Variants in TNFRSF21 observed in about 807,000 individuals in gnomAD.
TNFRSF21 encodes tumor necrosis factor receptor superfamily member 21.
Under a neutral mutation model 45.6 loss-of-function variants are expected in TNFRSF21, and 19 were observed. The ratio of observed to expected loss-of-function variants is 0.42; its 90% CI spans 0.29 to 0.61. The LOEUF (loss-of-function observed/expected upper bound fraction) is 0.61. Ranked by LOEUF, TNFRSF21 falls within the 20% of genes least tolerant of loss-of-function variation. The probability of loss-of-function intolerance (pLI) is 0.23; values close to 1 mark genes in which losing one functional copy is unlikely to be tolerated. For missense variants in TNFRSF21, 737 were observed against 851.5 expected (o/e 0.87, Z 1.67); for synonymous variants, 314 against 335.5 (o/e 0.94, Z 0.70).
At chr6:47,279,964 T>TA (rs1247785464) in intron 3 of TNFRSF21, among the ~76,000 whole-genome samples, 2 of 152,226 alleles carry the variant, frequency 1.3e-5, no homozygotes, top group African/African-American at 4.8e-5. Flanking sequence ...GGCCTCCTCT[T>TA]ATGTTTCCAA....
chr6:47,267,995 G>A (rs1468047409), intron 3 of TNFRSF21, among the ~76,000 whole-genome samples: 4 of 152,190 alleles, frequency 2.6e-5, no homozygotes, highest in African/African-American at 7.2e-5. Flanking sequence ...GAAATATGTT[G>A]CAACAGTATA....
In TNFRSF21 at chr6:47,309,793, G is replaced by A; in HGVS notation, c.-282C>T. Reference sequence around the variant, plus strand: ...GCTCTCCTCCGACAGCGGCTGAGGAGAACCAGGGAGGAGGACTGGGCGCGA... The same window carrying A: ...GCTCTCCTCCGACAGCGGCTGAGGAAAACCAGGGAGGAGGACTGGGCGCGA... On this transcript the variant is annotated 5_prime_UTR_variant, in exon 1 of 6. Coordinates refer to ENST00000296861, the MANE Select transcript of TNFRSF21 (RefSeq NM_014452.5). 2.7e-6 allele frequency: 1 copy of A among 368,136 alleles called. No homozygotes were observed. The highest frequency in any genetic ancestry group is 4.9e-6 in the Non-Finnish European group (1 of 206,164). The allele number at this position is 368,136 out of a possible 1,614,324, so 22.8% of individuals were successfully genotyped here. A position where few individuals can be genotyped will look rare whatever the true frequency, so the allele number is the denominator to read the frequency against.
intron 1 of TNFRSF21, among the ~76,000 whole-genome samples, chr6:47,287,126 G>A (rs1201348164): frequency 6.6e-6 from 1 of 151,770 alleles, no homozygotes; most frequent in Non-Finnish European, 1.5e-5. Context: ...TGGCTGACAT[G>A]GTAAAACCCC....
intron 1 of TNFRSF21, among the ~76,000 whole-genome samples, chr6:47,305,445 T>C (rs970115136): frequency 2.6e-5 from 4 of 152,124 alleles, no homozygotes; most frequent in African/African-American, 4.8e-5. Flanking sequence ...AGCTAAGATA[T>C]ATAGGAGAGA....
intron 1 of TNFRSF21, among the ~76,000 whole-genome samples, chr6:47,300,717 A>G (rs1039834320): frequency 2.0e-5 from 3 of 152,154 alleles, no homozygotes; most frequent in Admixed American, 2.0e-4. Context: ...CCTCTGGGCC[A>G]TCCCACATAC....
chr6:47,265,260 A>G (rs1173493947), intron 3 of TNFRSF21, among the ~76,000 whole-genome samples: 1 of 152,196 alleles, frequency 6.6e-6, no homozygotes, highest in Non-Finnish European at 1.5e-5. Flanking sequence ...AGGATATCTG[A>G]GTGATTTCTA....
chr6:47,259,916 G>A (rs945002056), intron 3 of TNFRSF21, among the ~76,000 whole-genome samples: 1 of 152,186 alleles, frequency 6.6e-6, no homozygotes, highest in Non-Finnish European at 1.5e-5. Context: ...CTTGTTAGTT[G>A]CATGACCCTG....
intron 1 of TNFRSF21, among the ~76,000 whole-genome samples, chr6:47,307,403 G>A (rs1313296242): frequency 6.6e-6 from 1 of 152,134 alleles, no homozygotes; most frequent in African/African-American, 2.4e-5. Context: ...TTTGGAGACA[G>A]GGTCTCACTC....
intron 4 of TNFRSF21, among the ~76,000 whole-genome samples, chr6:47,250,771 T>A (rs1356753267): frequency 6.6e-6 from 1 of 152,216 alleles, no homozygotes; most frequent in Non-Finnish European, 1.5e-5. Context: ...ACTTGTTAGA[T>A]GGGACAAATT....
At position 47,309,495 on chromosome 6, in the gene TNFRSF21, C is replaced by T; in HGVS notation, c.17G>A (p.Ser6Asn). ...GCAGGAGGCGAGGGCGGTGCTGCTG[C>T]TCGGAGAGGTCCCCATGGCTGAACC... MGTSPSSSTALASCSR... is the reference protein window; with the variant it reads MGTSPNSSTALASCSR... Residue 6 changes from serine (S) to asparagine (N), a missense_variant, in exon 1 of 6, where the codon AGC becomes AAC. Coordinates refer to ENST00000296861, the MANE Select transcript of TNFRSF21 (RefSeq NM_014452.5). The T allele has an allele frequency of 6.6e-7, 1 of 1,514,958 alleles. No homozygotes were observed. Among genetic ancestry groups the T allele is most frequent in the Non-Finnish European group, 8.8e-7 (1 of 1,139,314 alleles). 93.8% of individuals were successfully genotyped at this position (1,514,958 alleles called of 1,614,324 possible). A position where few individuals can be genotyped will look rare whatever the true frequency, so the allele number is the denominator to read the frequency against.
intron 3 of TNFRSF21, among the ~76,000 whole-genome samples, chr6:47,276,056 G>T (rs887603016): frequency 6.6e-6 from 1 of 152,150 alleles, no homozygotes; most frequent in African/African-American, 2.4e-5. Flanking sequence ...ATTTTACAAA[G>T]AAAGATGAGA....
Position 47,236,978 on chromosome 6 carries a change from T to TC in TNFRSF21, c.1510-2081dup, listed in dbSNP as rs547226658. On this transcript the variant is annotated intron_variant, in intron 4 of 5. Transcript: ENST00000296861. ...ATTTGAAAACTTGAAATGTTTAATT[T>TC]CCCCCCCCGATTTCACCAAAAGGTC... is the stretch of plus-strand genomic sequence containing the variant. Among the ~76,000 whole-genome samples, 333 of 151,480 alleles carry TC rather than the reference T, an allele frequency of 2.2e-3. 1 individual carries two copies. The highest frequency in any genetic ancestry group is 4.2e-3 in the South Asian group (20 of 4,766).
At chr6:47,290,943 C>CA (rs1762715678) in intron 1 of TNFRSF21, among the ~76,000 whole-genome samples, 1 of 151,582 alleles carries the variant, frequency 6.6e-6, no homozygotes, top group Non-Finnish European at 1.5e-5. Flanking sequence ...CTGGGATGAA[C>CA]AAAAAAAGAA....
intron 5 of TNFRSF21, among the ~76,000 whole-genome samples, chr6:47,234,250 T>C (rs965988280): frequency 3.3e-5 from 5 of 152,164 alleles, no homozygotes; most frequent in African/African-American, 1.2e-4. Context: ...GTGCTCGGAT[T>C]ACAGGCGTGA....
At chr6:47,242,386 C>CTATAATT (rs1400328381) in intron 4 of TNFRSF21, among the ~76,000 whole-genome samples, 1 of 152,132 alleles carries the variant, frequency 6.6e-6, no homozygotes, top group Non-Finnish European at 1.5e-5. Context: ...AGGTAGTTGG[C>CTATAATT]TATAATTTTC....
rs1388521725 is a variant in TNFRSF21 at position 47,286,182 on chromosome 6, C to T, written c.510G>A (p.Gln170=). The change falls in exon 2 of 6, where the codon CAG becomes CAA. Residue 170 remains glutamine (Q), a synonymous_variant. Coordinates refer to ENST00000296861, the MANE Select transcript of TNFRSF21 (RefSeq NM_014452.5). ...GTETEDVRCK[Q]CARGTFSDVP... ...CATCTGAGAAGGTACCCCGAGCACA[C>T]TGCTTACACCGCACATCCTCAGTCT... 1 of 1,614,144 alleles carries T rather than the reference C, an allele frequency of 6.2e-7. No individual in the cohort carries two copies. Among genetic ancestry groups the T allele is most frequent in the East Asian group, 2.2e-5 (1 of 44,900 alleles).
At chr6:47,264,483 C>A (rs113419694) in intron 3 of TNFRSF21, among the ~76,000 whole-genome samples, 1 of 149,500 alleles carries the variant, frequency 6.7e-6, no homozygotes, top group Non-Finnish European at 1.5e-5. Flanking sequence ...CCACTGCACT[C>A]CAGCCTGGGC....
intron 1 of TNFRSF21, 107 bp from the exon 2 acceptor site, chr6:47,286,702 G>T (rs1762654976): frequency 1.9e-5 from 23 of 1,237,022 alleles, no homozygotes; most frequent in Non-Finnish European, 2.5e-5. Context: ...CATCATTCCT[G>T]TTAAAGATCC....
At chr6:47,241,430 C>A (rs1465861043) in intron 4 of TNFRSF21, among the ~76,000 whole-genome samples, 1 of 151,946 alleles carries the variant, frequency 6.6e-6, no homozygotes, top group East Asian at 1.9e-4. Context: ...AATTCTTGTT[C>A]AATTCAATCC....
Sources: allele counts gnomAD v4.1 joint callset (sites outside exome capture counted in the v4.1 genomes callset), GRCh38; gene constraint gnomAD v4.1.1; transcripts MANE v1.5; gene names NCBI Gene and HGNC (gene_info 2026-07-23, HGNC 2026-07-21).